DLG2: variants seen among roughly 807,000 people sequenced by gnomAD.
The protein encoded by DLG2 is discs large MAGUK scaffold protein 2, also known as disks large homolog 2.
DLG2 carries 45 observed loss-of-function variants against 132.5 expected under a neutral mutation model. The ratio of observed to expected loss-of-function variants is 0.34; its 90% CI spans 0.27 to 0.44. The LOEUF (loss-of-function observed/expected upper bound fraction) is 0.44, where lower values mean the gene tolerates loss of function less well. Ranked by LOEUF, DLG2 falls within the 20% of genes least tolerant of loss-of-function variation. The pLI is 1.00. For missense variants in DLG2, 1,045 were observed against 1,196.9 expected, an observed-to-expected ratio of 0.87 and a Z score of 1.87; for synonymous variants, 424 against 419.6, an observed-to-expected ratio of 1.01 and a Z score of -0.13.
At chr11:84,655,884 T>C (rs891831040) in intron 6 of DLG2, among the ~76,000 whole-genome samples, 1 of 152,208 alleles carries the variant, frequency 6.6e-6, no homozygotes, top group Non-Finnish European at 1.5e-5. Flanking sequence ...TAGCCTGTGC[T>C]CAAGTATTCT....
chr11:84,350,263 A>G (rs2098557903), intron 7 of DLG2, among the ~76,000 whole-genome samples: 1 of 151,902 alleles, frequency 6.6e-6, no homozygotes, highest in South Asian at 2.1e-4. Flanking sequence ...AGAGGTTAAC[A>G]GGAATGTCCC....
intron 11 of DLG2, among the ~76,000 whole-genome samples, chr11:84,022,114 GA>G (rs1486769815): frequency 1.1e-4 from 17 of 152,078 alleles, no homozygotes; most frequent in Admixed American, 1.1e-3. Context: ...CATTACAGAT[GA>G]AAAATACTTT....
chr11:85,104,312 T>C (rs2071339251), intron 6 of DLG2, among the ~76,000 whole-genome samples: 1 of 151,944 alleles, frequency 6.6e-6, no homozygotes, highest in Non-Finnish European at 1.5e-5. Flanking sequence ...ACAATCCAAA[T>C]GTCTATCAAC....
intron 6 of DLG2, among the ~76,000 whole-genome samples, chr11:84,678,524 C>G (rs927815691): frequency 1.3e-5 from 2 of 152,018 alleles, no homozygotes; most frequent in African/African-American, 2.4e-5. Context: ...TTGACAAATT[C>G]TTTCATTCTA....
chr11:85,213,646 T>C (rs1328108777), intron 4 of DLG2, among the ~76,000 whole-genome samples: 1 of 152,150 alleles, frequency 6.6e-6, no homozygotes, highest in Non-Finnish European at 1.5e-5. Flanking sequence ...CTAAGTTCTC[T>C]GTTGATGTTA....
At chr11:84,990,179 C>T (rs1298479160) in intron 6 of DLG2, among the ~76,000 whole-genome samples, 1 of 152,162 alleles carries the variant, frequency 6.6e-6, no homozygotes, top group Non-Finnish European at 1.5e-5. Context: ...AAAAATAGGC[C>T]AGTGACTTCA....
chr11:84,965,806 T>C (rs2053238443), intron 6 of DLG2, among the ~76,000 whole-genome samples: 1 of 151,752 alleles, frequency 6.6e-6, no homozygotes, highest in African/African-American at 2.4e-5. Flanking sequence ...CACGGGGAGA[T>C]CGGCGCCTAA....
At chr11:83,861,387 CA>C (rs1366624530) in intron 16 of DLG2, among the ~76,000 whole-genome samples, 1 of 152,028 alleles carries the variant, frequency 6.6e-6, no homozygotes, top group African/African-American at 2.4e-5. Context: ...GGTATATACC[CA>C]AAAGAAAAGA....
At chr11:85,334,538 A>C (rs2152845329) in intron 3 of DLG2, among the ~76,000 whole-genome samples, 1 of 151,938 alleles carries the variant, frequency 6.6e-6, no homozygotes, top group African/African-American at 2.4e-5. Flanking sequence ...TCAATTTGAG[A>C]CCTTTGTAAC....
At chr11:85,065,405 TG>T (rs1475046620) in intron 6 of DLG2, among the ~76,000 whole-genome samples, 2 of 151,488 alleles carry the variant, frequency 1.3e-5, no homozygotes, top group Non-Finnish European at 3.0e-5. Context: ...CCCACAGGCA[TG>T]GTAAGAGTCT....
At chr11:83,467,110 C>T (rs7931042) in intron 25 of DLG2, among the ~76,000 whole-genome samples, 42,517 of 152,088 alleles carry the variant, frequency 0.28, 6,357 homozygotes, top group Middle Eastern at 0.39. Flanking sequence ...GACATGCAGC[C>T]GTATGTTATG....
rs2093365510 is a variant in DLG2 at position 84,111,841 on chromosome 11, C to G, written c.625-12794G>C. ...CCATTTTCCATTGGCTCCTCTCTCC[C>G]TGGGTCCTCTCATCCATCATTTACC... On this transcript the variant is annotated intron_variant, in intron 9 of 27. Coordinates refer to ENST00000376104, the MANE Select transcript of DLG2 (RefSeq NM_001142699.3). Among the ~76,000 whole-genome samples the G allele has an allele frequency of 2.6e-5, 4 of 152,292 alleles. No individual in the cohort carries two copies. The South Asian group carries it at 6.2e-4, about 24-fold the overall frequency.
At chr11:83,917,453 A>G (rs930165960) in intron 15 of DLG2, among the ~76,000 whole-genome samples, 3 of 152,210 alleles carry the variant, frequency 2.0e-5, no homozygotes, top group African/African-American at 7.2e-5. Flanking sequence ...ACACATGTTT[A>G]GTATAGATGA....
intron 6 of DLG2, among the ~76,000 whole-genome samples, chr11:85,006,431 C>T (rs913573440): frequency 1.3e-5 from 2 of 152,174 alleles, no homozygotes; most frequent in Non-Finnish European, 2.9e-5. Flanking sequence ...TTCAGGGACA[C>T]AACTTCTTCC....
chr11:83,897,068 A>G (rs2071940803), intron 15 of DLG2, among the ~76,000 whole-genome samples: 2 of 152,204 alleles, frequency 1.3e-5, no homozygotes, highest in South Asian at 2.1e-4. Context: ...ATGTTATTCA[A>G]TAACATGAAT....
chr11:84,252,150 T>C (rs1455452435), intron 7 of DLG2, among the ~76,000 whole-genome samples: 4 of 129,936 alleles, frequency 3.1e-5, no homozygotes, highest in Non-Finnish European at 4.9e-5. Flanking sequence ...CTTTTTTTTT[T>C]TTTTTTTTTT....
chr11:83,751,826 C>G (rs778029509), intron 18 of DLG2, among the ~76,000 whole-genome samples: 18 of 152,168 alleles, frequency 1.2e-4, no homozygotes, highest in South Asian at 2.1e-4. Flanking sequence ...GTAGAGAAGT[C>G]AAATGGGAAC....
chr11:85,511,100 T>C (rs1442562664), intron 3 of DLG2, among the ~76,000 whole-genome samples: 2 of 152,070 alleles, frequency 1.3e-5, no homozygotes, highest in East Asian at 1.9e-4. Flanking sequence ...GAAACCATCA[T>C]TCTCAGCAAA....
intron 21 of DLG2, among the ~76,000 whole-genome samples, chr11:83,497,325 C>A (rs2094198268): frequency 6.6e-6 from 1 of 152,144 alleles, no homozygotes; most frequent in Admixed American, 6.5e-5. Flanking sequence ...GGTGGATCAC[C>A]TGAGCTCAGG....
Sources: gnomAD v4.1 joint callset for allele counts (sites outside exome capture counted in the v4.1 genomes callset) on GRCh38, gnomAD v4.1.1 for gene constraint, MANE v1.5 for transcripts, NCBI Gene and HGNC (gene_info 2026-07-23, HGNC 2026-07-21) for gene names.